Variants in AZIN1 observed in about 807,000 individuals in gnomAD.
AZIN1 encodes ornithine decarboxylase antizyme inhibitor.
AZIN1 carries 12 observed loss-of-function variants against 47.4 expected under a neutral mutation model. The observed-to-expected ratio is 0.25, with a 90% CI of 0.16 to 0.41. The LOEUF is 0.41. Among genes scored for constraint, AZIN1 ranks in the 10% least tolerant of loss-of-function variants. The pLI, the probability that AZIN1 is intolerant of heterozygous loss-of-function variation, is 1.00. For synonymous variants in AZIN1, 155 were observed against 176.3 expected, an observed-to-expected ratio of 0.88 and a Z score of 0.96; for missense variants, 410 against 532.4, an observed-to-expected ratio of 0.77 and a Z score of 2.26.
chr8:102,835,821 T>C (rs1486522606), intron 6 of AZIN1, among the ~76,000 whole-genome samples: 1 of 152,166 alleles, frequency 6.6e-6, no homozygotes, highest in Non-Finnish European at 1.5e-5. Context: ...TTTGAACCTC[T>C]TGGAGTCTCG....
At chr8:102,842,227 T>C (rs1353652198) in intron 3 of AZIN1, among the ~76,000 whole-genome samples, 1 of 152,142 alleles carries the variant, frequency 6.6e-6, no homozygotes, top group African/African-American at 2.4e-5. Context: ...AAATTCTCAA[T>C]GAACATACAC....
intron 1 of AZIN1, among the ~76,000 whole-genome samples, chr8:102,861,517 C>A (rs1251232330): frequency 6.6e-6 from 1 of 151,766 alleles, no homozygotes; most frequent in Non-Finnish European, 1.5e-5. Context: ...CCACCGCGCC[C>A]GGCCTAATAA....
chr8:102,853,394 C>G (rs913556375), intron 2 of AZIN1, among the ~76,000 whole-genome samples: 1 of 152,132 alleles, frequency 6.6e-6, no homozygotes, highest in African/African-American at 2.4e-5. Flanking sequence ...ACCAGCCACT[C>G]AGGACGCTGA....
Position 102,836,253 on chromosome 8 carries a change from C to T in AZIN1, c.584+3G>A. The T allele has an allele frequency of 1.9e-6, 3 of 1,613,416 alleles. No individual in the cohort carries two copies. The highest frequency in any genetic ancestry group is 2.5e-6 in the Non-Finnish European group (3 of 1,179,628). On this transcript the variant is annotated splice_donor_region_variant and intron_variant, in intron 6 of 11. Coordinates refer to ENST00000337198, the MANE Select transcript of AZIN1 (RefSeq NM_148174.4). Reference sequence around the variant, plus strand: ...GCTTTAAAAGTTTAAAACAAATACTCACTTAACCCCAATTATTTGGACATC... The same window carrying T: ...GCTTTAAAAGTTTAAAACAAATACTTACTTAACCCCAATTATTTGGACATC...
In AZIN1 at chr8:102,858,039, C is replaced by G. The variant is rs1293773374; in HGVS notation, c.-122G>C. ...TGGACAAGTTGGGAGATGGAACCCC[C>G]CTATCATCAGCTAGGTTCCCAAGGT... On this transcript the variant is annotated 5_prime_UTR_variant, in exon 2 of 12. Coordinates refer to ENST00000337198, the MANE Select transcript of AZIN1 (RefSeq NM_148174.4). 1.3e-5 allele frequency: 5 copies of G among 398,886 alleles called. No homozygotes were observed. The highest frequency in any genetic ancestry group is 2.2e-5 in the Non-Finnish European group (5 of 226,050). The allele number at this position is 398,886 out of a possible 1,614,324, so 24.7% of individuals were successfully genotyped here.
chr8:102,845,649 G>C (rs997830038), intron 2 of AZIN1, among the ~76,000 whole-genome samples: 12 of 152,180 alleles, frequency 7.9e-5, no homozygotes, highest in African/African-American at 2.9e-4. Flanking sequence ...AAAAAATAAA[G>C]GTCACTCATT....
intron 2 of AZIN1, among the ~76,000 whole-genome samples, chr8:102,847,697 TCA>T (rs990496927): frequency 7.2e-5 from 11 of 151,880 alleles, no homozygotes; most frequent in African/African-American, 2.4e-4. Flanking sequence ...CCACCTCCAC[TCA>T]GTCAGTCCCT....
chr8:102,858,340 T>G (rs535395300), intron 1 of AZIN1, among the ~76,000 whole-genome samples, 190 bp from the exon 2 acceptor site: 13 of 152,348 alleles, frequency 8.5e-5, no homozygotes, highest in Non-Finnish European at 1.5e-4. Flanking sequence ...ATTTCCAAGC[T>G]GCTATAAAAA....
intron 1 of AZIN1, among the ~76,000 whole-genome samples, chr8:102,859,814 C>A (rs566583721): frequency 4.1e-4 from 63 of 152,136 alleles, no homozygotes; most frequent in African/African-American, 1.5e-3. Context: ...CCAGCCCAGG[C>A]AACAGAGGGA....
intron 1 of AZIN1, among the ~76,000 whole-genome samples, chr8:102,861,863 A>T (rs1813681939): frequency 6.6e-6 from 1 of 151,794 alleles, no homozygotes; most frequent in Admixed American, 6.6e-5. Flanking sequence ...CAACAGTGAA[A>T]CCCCTTTTCT....
chr8:102,836,719 A>C (rs571773166), intron 5 of AZIN1, among the ~76,000 whole-genome samples: 60 of 152,296 alleles, frequency 3.9e-4, no homozygotes, highest in Admixed American at 3.9e-3. Flanking sequence ...ACCTAGGAAG[A>C]CTAAATTGAA....
chr8:102,841,822 A>AG (rs1812208598), intron 3 of AZIN1, among the ~76,000 whole-genome samples: 1 of 150,664 alleles, frequency 6.6e-6, no homozygotes, highest in Non-Finnish European at 1.5e-5. Context: ...AAAAAAAAAA[A>AG]AGACCAGGCT....
At chr8:102,829,207 A>C in intron 11 of AZIN1, 65 bp downstream of exon 11, 2 of 1,370,858 alleles carry the variant, frequency 1.5e-6, no homozygotes, top group Admixed American at 3.9e-5. Context: ...CAGAATTAAA[A>C]CTTATTAGCA....
rs1812152571 is a variant in AZIN1 at position 102,841,165 on chromosome 8, AAGTT to A, written c.103-1346_103-1343del. ...ACAATAGGACGATGAAAAGGGAAATAAGTTAGGAGGTCACTATAATGACATGTGC... is the reference window on the plus strand; with the variant it reads ...ACAATAGGACGATGAAAAGGGAAATAAGGAGGTCACTATAATGACATGTGC... On this transcript the variant is annotated intron_variant, in intron 3 of 11. Coordinates refer to ENST00000337198, the MANE Select transcript of AZIN1 (RefSeq NM_148174.4). Among the ~76,000 whole-genome samples, 2 of 152,208 alleles carry A rather than the reference AAGTT, an allele frequency of 1.3e-5. 1 individual carries two copies. The highest frequency in any genetic ancestry group is 4.1e-4 in the South Asian group (2 of 4,828).
In AZIN1 at chr8:102,839,791, A is replaced by C. The variant is rs752536547; in HGVS notation, c.135T>G (p.Leu45=). ...TGKNAFFVGD[L]GKIVKKHSQW... ...GACTGTGTTTCTTCACAATCTTTCC[A>C]AGATCTCCCACAAAAAATGCATTTT... Residue 45 remains leucine (L), a synonymous_variant, in exon 4 of 12, where the codon CTT becomes CTG. Transcript: ENST00000337198. 4.4e-6 allele frequency: 7 copies of C among 1,602,590 alleles called. No individual in the cohort carries two copies. Among genetic ancestry groups the C allele is most frequent in the Non-Finnish European group, 6.0e-6 (7 of 1,174,902 alleles).
chr8:102,852,847 G>A (rs1384497749), intron 2 of AZIN1, among the ~76,000 whole-genome samples: 1 of 152,198 alleles, frequency 6.6e-6, no homozygotes, highest in Non-Finnish European at 1.5e-5. Flanking sequence ...TGGAATGGAG[G>A]AAGGACAAAA....
At chr8:102,862,525 A>C (rs1813747379) in intron 1 of AZIN1, among the ~76,000 whole-genome samples, 1 of 152,148 alleles carries the variant, frequency 6.6e-6, no homozygotes, top group South Asian at 2.1e-4. Flanking sequence ...CAGCATCTGC[A>C]CGCTCTCGTA....
chr8:102,838,422 A>G (rs1257606892), intron 5 of AZIN1, among the ~76,000 whole-genome samples: 1 of 152,218 alleles, frequency 6.6e-6, no homozygotes, highest in Non-Finnish European at 1.5e-5. Context: ...GTTATCAAAC[A>G]TCAAACAAAG....
intron 1 of AZIN1, among the ~76,000 whole-genome samples, chr8:102,862,992 T>C (rs978529160): frequency 1.4e-4 from 22 of 152,200 alleles, no homozygotes; most frequent in Admixed American, 4.6e-4. Flanking sequence ...CTAGGAACCA[T>C]GGCGCGGACG....
Sources: gnomAD v4.1 joint callset for allele counts (sites outside exome capture counted in the v4.1 genomes callset) on GRCh38, gnomAD v4.1.1 for gene constraint, MANE v1.5 for transcripts, NCBI Gene and HGNC (gene_info 2026-07-23, HGNC 2026-07-21) for gene names.